The following PELP1 variants were observed in gnomAD, a reference collection of about 807,000 sequenced individuals.
The protein encoded by PELP1 is proline-, glutamic acid- and leucine-rich protein 1.
In PELP1, 32 loss-of-function variants were observed where a neutral mutation model predicts 95.5. The observed-to-expected ratio is 0.34, with a 90% CI of 0.25 to 0.45. The LOEUF is 0.45. Ranked by LOEUF, PELP1 falls within the 20% of genes least tolerant of loss-of-function variation. The pLI is 1.00. For missense variants in PELP1, 1,358 were observed against 1,444.8 expected (o/e 0.94, Z 0.97); for synonymous variants, 668 against 600.1 (o/e 1.11, Z -1.65).
intron 3 of PELP1, among the ~76,000 whole-genome samples, chr17:4,688,548 C>A (rs1372999409): frequency 2.6e-5 from 4 of 152,128 alleles, no homozygotes; most frequent in African/African-American, 9.7e-5. Flanking sequence ...TAAACACCAT[C>A]AGCAACTAAG....
In PELP1 at chr17:4,676,390, G is replaced by C; in HGVS notation, c.820C>G (p.Leu274Val). The change falls in exon 7 of 17, where the codon CTG (leucine) becomes GTG (valine). Residue 274 changes from leucine (L) to valine (V), a missense_variant. By Grantham distance (32) the Leu-to-Val change is conservative (BLOSUM62 1). Around this residue, in one of 7 missense-constraint regions of PELP1, gnomAD observed 538 missense variants for 628.1 expected, o/e 0.86. Transcript: ENST00000572293. ...LHSLLASLHT[L>V]LGALYEGAET... ...GCTCCCTCGTACAGGGCCCCCAGCAGGGTGTGCAGTGAGGCCAGCAGACTG... is the reference window on the plus strand; with the variant it reads ...GCTCCCTCGTACAGGGCCCCCAGCACGGTGTGCAGTGAGGCCAGCAGACTG... The C allele has an allele frequency of 6.2e-7, 1 of 1,613,536 alleles. No individual in the cohort carries two copies. The highest frequency in any genetic ancestry group is 8.5e-7 in the Non-Finnish European group (1 of 1,179,730).
At position 4,674,853 on chromosome 17, in the gene PELP1, T is replaced by G; in HGVS notation, c.1378A>C (p.Thr460Pro). ...GGGGAGATGTCGCTGAGCAGGTGGG[T>G]GAGCAGGGCCTCTCCAGAGGCTCCT... ...QGGASGEALLTHLLSDISPPA... is the reference protein window; with the variant it reads ...QGGASGEALLPHLLSDISPPA... The change falls in exon 12 of 17, where the codon ACC (threonine) becomes CCC (proline). Residue 460 changes from threonine to proline, a missense_variant. Transcript: ENST00000572293. 1 of 1,613,326 alleles carries G rather than the reference T, an allele frequency of 6.2e-7. No individual in the cohort carries two copies. The highest frequency in any genetic ancestry group is 8.5e-7 in the Non-Finnish European group (1 of 1,179,688).
In PELP1 at chr17:4,671,542, CAA is replaced by C. The variant is rs1328103307; in HGVS notation, c.3301-13_3301-12del. The C allele has an allele frequency of 6.2e-7, 1 of 1,613,520 alleles. No homozygotes were observed. Among genetic ancestry groups the C allele is most frequent in the East Asian group, 2.2e-5 (1 of 44,878 alleles). On this transcript the variant is annotated splice_polypyrimidine_tract_variant and intron_variant, in intron 16 of 16. Transcript: ENST00000572293. ...TGTGTCATCCTGCTCCTTTTAGGCA[CAA>C]AGATACAAGATTCAGAATAGTCACA...
At chr17:4,702,499 C>T (rs1272087926) in intron 1 of PELP1, among the ~76,000 whole-genome samples, 1 of 152,118 alleles carries the variant, frequency 6.6e-6, no homozygotes, top group Non-Finnish European at 1.5e-5. Flanking sequence ...CTGATGAAAA[C>T]CACATAAATT....
rs1166615168 is a variant in PELP1 at position 4,704,112 on chromosome 17, C to T, written c.-1G>A. On this transcript the variant is annotated 5_prime_UTR_variant, in exon 1 of 17. Transcript: ENST00000572293. ...GCCCACTCAGAACGGCTGCCGCCAT[C>T]TTCCCCCGGGTTCCAGTGGTGGCGT... 3 of 1,605,222 alleles carry T rather than the reference C, an allele frequency of 1.9e-6. No homozygotes were observed. In the African/African-American group the frequency reaches 4.0e-5, roughly 21 times the overall value.
chr17:4,676,019 C>G lies in PELP1; in HGVS notation c.980+17G>C. 6.2e-7 allele frequency: 1 copy of G among 1,613,550 alleles called. No homozygotes were observed. The highest frequency in any genetic ancestry group is 8.5e-7 in the Non-Finnish European group (1 of 1,179,658). On this transcript the variant is annotated intron_variant, in intron 8 of 16. Coordinates refer to ENST00000572293, the MANE Select transcript of PELP1 (RefSeq NM_014389.3). ...CTCCTGCTCCACGCCTCCGCTCCCT[C>G]CAATACCCACACACACCTGAGCATG...
Position 4,670,229 on chromosome 17 carries a change from A to T in PELP1, c.*1210T>A, listed in dbSNP as rs941127891. On this transcript the variant is annotated 3_prime_UTR_variant, in exon 17 of 17. Coordinates refer to ENST00000572293, the MANE Select transcript of PELP1 (RefSeq NM_014389.3). ...ACCTCCTCAAAGGGCTCTTCAGGATACATGTTGGGAGAAATGACTCCCTCT... is the reference window on the plus strand; with the variant it reads ...ACCTCCTCAAAGGGCTCTTCAGGATTCATGTTGGGAGAAATGACTCCCTCT... 6.6e-6 allele frequency: 1 copy of T among 152,200 alleles called. No homozygotes were observed. The highest frequency in any genetic ancestry group is 1.5e-5 in the Non-Finnish European group (1 of 68,020). 9.4% of individuals were successfully genotyped at this position (152,200 alleles called of 1,614,324 possible).
chr17:4,690,759 T>C (rs1913069938), intron 3 of PELP1, 129 bp downstream of exon 3: 2 of 623,660 alleles, frequency 3.2e-6, no homozygotes, highest in Non-Finnish European at 2.9e-6. Context: ...TCCTCTCTGC[T>C]ATCAGGGAAT....
At chr17:4,680,421 G>A (rs942908056) in intron 5 of PELP1, among the ~76,000 whole-genome samples, 1 of 152,130 alleles carries the variant, frequency 6.6e-6, no homozygotes, top group Non-Finnish European at 1.5e-5. Context: ...GGGACTACAG[G>A]CACACACCGC....
chr17:4,673,716 G>A lies in PELP1; in HGVS notation c.1583-42C>T. On this transcript the variant is annotated intron_variant, in intron 13 of 16. Coordinates refer to ENST00000572293, the MANE Select transcript of PELP1 (RefSeq NM_014389.3). The surrounding 1 kb of genome is among the most constrained non-coding windows in gnomAD (Gnocchi z 5.7). ...GTGTGTAAAGGGTAGGCTCCCAACAGACTGACGGCAAGGGCTTCTGAAGCA... is the reference window on the plus strand; with the variant it reads ...GTGTGTAAAGGGTAGGCTCCCAACAAACTGACGGCAAGGGCTTCTGAAGCA... 6.4e-7 allele frequency: 1 copy of A among 1,569,410 alleles called. No homozygotes were observed.
Position 4,672,200 on chromosome 17 carries a change from ACT to A in PELP1, c.2789_2790del (p.Glu930ValfsTer2). ...TCTTCTTCCTCAAATTCTTCCTCAA[ACT>A]CTTCTTCCTCCTCTTCTTCCTCTTC... ...YFEEEEEEEE[E>X]FEEEFEEEEG... On this transcript the variant is annotated frameshift_variant, in exon 16 of 17. Transcript: ENST00000572293. LOFTEE classifies it high-confidence loss of function. 1 of 1,544,690 alleles carries A rather than the reference ACT, an allele frequency of 6.5e-7. No homozygotes were observed. Among genetic ancestry groups the A allele is most frequent in the Non-Finnish European group, 8.7e-7 (1 of 1,144,628 alleles).
Position 4,672,727 on chromosome 17 carries a change from G to A in PELP1, c.2264C>T (p.Thr755Ile). The A allele has an allele frequency of 1.2e-6, 2 of 1,613,474 alleles. No individual in the cohort carries two copies. Among genetic ancestry groups the A allele is most frequent in the Non-Finnish European group, 1.7e-6 (2 of 1,179,694 alleles). ...TPPPTIPPDE[T>I]FGGRVPRPAF... ...TGGTCTGGGCACTCTCCCCCCAAAA[G>A]TTTCATCTGGGGGTATAGTAGGTGG... The change falls in exon 16 of 17, where the codon ACT becomes ATT. Residue 755 changes from threonine to isoleucine, a missense_variant. Physicochemically the swap from Thr to Ile is moderately conservative, Grantham distance 89. Around this residue, in one of 7 missense-constraint regions of PELP1, gnomAD observed 340 missense variants for 322.9 expected, o/e 1.05. Transcript: ENST00000572293.
chr17:4,694,534 C>T (rs956818048), intron 1 of PELP1, among the ~76,000 whole-genome samples: 2 of 136,248 alleles, frequency 1.5e-5, no homozygotes, highest in Admixed American at 1.6e-4. Context: ...GTGGCAGGCG[C>T]CTGTAATCCC....
chr17:4,704,117 C>G lies in PELP1; in HGVS notation c.-6G>C, dbSNP rs772313440. 6.2e-7 allele frequency: 1 copy of G among 1,604,314 alleles called. No homozygotes were observed. The highest frequency in any genetic ancestry group is 1.7e-4 in the Middle Eastern group (1 of 6,046). On this transcript the variant is annotated 5_prime_UTR_variant, in exon 1 of 17. Coordinates refer to ENST00000572293, the MANE Select transcript of PELP1 (RefSeq NM_014389.3). ...CTCAGAACGGCTGCCGCCATCTTCCCCCGGGTTCCAGTGGTGGCGTGGCGC... is the reference window on the plus strand; with the variant it reads ...CTCAGAACGGCTGCCGCCATCTTCCGCCGGGTTCCAGTGGTGGCGTGGCGC...
At chr17:4,671,588 T>A (rs1912203608) in intron 16 of PELP1, 57 bp from the exon 17 acceptor site, 1 of 1,607,890 alleles carries the variant, frequency 6.2e-7, no homozygotes, top group Admixed American at 1.7e-5. Flanking sequence ...CACAGAAGAA[T>A]GGTTCAGGCT....
rs768314992 is a variant in PELP1, at chr17:4,671,266, G to A, written c.*173C>T. On this transcript the variant is annotated 3_prime_UTR_variant, in exon 17 of 17. Transcript: ENST00000572293. ...AATGTCAGTTGTTCCTCTCTGGATC[G>A]TCAAAAAGAGGACAGCTATGGAGAC... 29 of 605,684 alleles carry A rather than the reference G, an allele frequency of 4.8e-5. No individual in the cohort carries two copies. The highest frequency in any genetic ancestry group is 1.9e-4 in the African/African-American group (10 of 53,876). 37.5% of individuals were successfully genotyped at this position (605,684 alleles called of 1,614,324 possible). A position where few individuals can be genotyped will look rare whatever the true frequency, so the allele number is the denominator to read the frequency against.
chr17:4,680,394 C>T (rs763105482), intron 5 of PELP1, among the ~76,000 whole-genome samples: 6 of 152,154 alleles, frequency 3.9e-5, no homozygotes, highest in Non-Finnish European at 7.3e-5. Flanking sequence ...TCTCCTGCCT[C>T]GGCCTCCCAA....
Position 4,695,183 on chromosome 17 carries a change from A to G in PELP1, c.250-3741T>C, listed in dbSNP as rs141821936. Among the ~76,000 whole-genome samples the G allele has an allele frequency of 1.0e-3, 153 of 148,052 alleles. 2 individuals carry two copies. The highest frequency in any genetic ancestry group is 3.7e-3 in the African/African-American group (148 of 39,972). ...TGAAAAATACAAAAATTAGCCGGAC[A>G]TGGTGGCGGGCGCCCGTAATCCCAA... On this transcript the variant is annotated intron_variant, in intron 1 of 16. Transcript: ENST00000572293.
Position 4,675,422 on chromosome 17 carries a change from C to T in PELP1, c.1069-60G>A. ...GAAGAAAGTGAGAGCCAGAGAGAGACAGAAACAGGGAATGACCATTTACAT... is the reference window on the plus strand; with the variant it reads ...GAAGAAAGTGAGAGCCAGAGAGAGATAGAAACAGGGAATGACCATTTACAT... On this transcript the variant is annotated intron_variant, in intron 9 of 16. Coordinates refer to ENST00000572293, the MANE Select transcript of PELP1 (RefSeq NM_014389.3). This position sits in a 1 kb window ranked among gnomAD's most constrained non-coding sequence, Gnocchi z 4.3. 2 of 1,073,728 alleles carry T rather than the reference C, an allele frequency of 1.9e-6. No homozygotes were observed. Among genetic ancestry groups the T allele is most frequent in the African/African-American group, 1.6e-5 (1 of 64,170 alleles). The allele number at this position is 1,073,728 out of a possible 1,614,324, so 66.5% of individuals were successfully genotyped here.
Sources: gnomAD v4.1 joint callset for allele counts (sites outside exome capture counted in the v4.1 genomes callset) on GRCh38, gnomAD v4.1.1 for gene constraint, gnomAD v4.1.1 regional missense constraint, Gnocchi (gnomAD v3.1) non-coding constraint, MANE v1.5 for transcripts, NCBI Gene and HGNC (gene_info 2026-07-23, HGNC 2026-07-21) for gene names.